The following IPCEF1 variants were observed in gnomAD, a reference collection of about 807,000 sequenced individuals.
IPCEF1 encodes the protein interactor protein for cytohesin exchange factors 1.
In IPCEF1, 31 loss-of-function variants were observed where a neutral mutation model predicts 50.9. The observed-to-expected ratio is 0.61, with a 90% CI of 0.46 to 0.82. IPCEF1 has a LOEUF of 0.82. IPCEF1 is among the 40% of genes least tolerant of loss of function. The pLI is 0.00. For missense variants in IPCEF1, 458 were observed against 514.0 expected, an observed-to-expected ratio of 0.89 and a Z score of 1.05; for synonymous variants, 181 against 192.0, an observed-to-expected ratio of 0.94 and a Z score of 0.47.
chr6:154,338,987 C>T (rs1276355365), intron 1 of IPCEF1, among the ~76,000 whole-genome samples: 1 of 152,114 alleles, frequency 6.6e-6, no homozygotes, highest in African/African-American at 2.4e-5. Flanking sequence ...AGCTGCCTCA[C>T]CCATTATCTT....
intron 1 of IPCEF1, among the ~76,000 whole-genome samples, chr6:154,295,865 A>G (rs1044713509): frequency 2.2e-3 from 197 of 88,502 alleles, no homozygotes; most frequent in African/African-American, 0.017. Context: ...ACATGTGCAC[A>G]CGCACACACA....
chr6:154,248,469 C>T (rs901846405), intron 3 of IPCEF1, among the ~76,000 whole-genome samples: 4 of 151,940 alleles, frequency 2.6e-5, no homozygotes, highest in Non-Finnish European at 2.9e-5. Flanking sequence ...GGGGAAAAAA[C>T]GTGTGAAAAT....
At chr6:154,318,199 G>A (rs1783275240) in intron 1 of IPCEF1, among the ~76,000 whole-genome samples, 1 of 152,092 alleles carries the variant, frequency 6.6e-6, no homozygotes, top group Non-Finnish European at 1.5e-5. Context: ...AGAGGGTGGG[G>A]GGATTGACCT....
intron 6 of IPCEF1, 41 bp from the exon 7 acceptor site, chr6:154,221,369 T>C (rs749025200): frequency 4.6e-6 from 7 of 1,518,472 alleles, no homozygotes; most frequent in South Asian, 2.3e-5. Context: ...AAATTAGTGT[T>C]TATAGTCAAC....
At chr6:154,281,190 A>C (rs1782201314) in intron 2 of IPCEF1, among the ~76,000 whole-genome samples, 1 of 133,158 alleles carries the variant, frequency 7.5e-6, no homozygotes, top group South Asian at 2.1e-4. Flanking sequence ...AATACAAAAA[A>C]AAAAAAAAAA....
At chr6:154,261,261 A>G (rs544637770) in intron 3 of IPCEF1, among the ~76,000 whole-genome samples, 11 of 152,042 alleles carry the variant, frequency 7.2e-5, no homozygotes, top group Admixed American at 2.0e-4. Context: ...TCCTGGCCTC[A>G]AGTGATCTTC....
rs928077202 is a variant in IPCEF1 at position 154,159,163 on chromosome 6, C to G, written c.*665G>C. The G allele has an allele frequency of 1.3e-5, 2 of 152,358 alleles. No individual in the cohort carries two copies. Among genetic ancestry groups the G allele is most frequent in the Non-Finnish European group, 2.9e-5 (2 of 68,094 alleles). 9.4% of individuals were successfully genotyped at this position (152,358 alleles called of 1,614,324 possible). ...TGTTGTAAGGAAAGGAAACATTAAT[C>G]AGATCCCCTAACCTGCATAAAGTGT... On this transcript the variant is annotated 3_prime_UTR_variant, in exon 12 of 12. Transcript: ENST00000367220.
In IPCEF1 at chr6:154,223,985, C is replaced by T. The variant is rs183568377; in HGVS notation, c.247-742G>A. On this transcript the variant is annotated intron_variant, in intron 5 of 11. Transcript: ENST00000367220. ...CATGTATAGGAAATATAATCACTGT[C>T]CCACCTCTCTAAGAATTTGTTAATC... 1.5e-3 allele frequency among the ~76,000 whole-genome samples: 232 copies of T among 152,292 alleles called. 1 individual carries two copies. Among genetic ancestry groups the T allele is most frequent in the South Asian group, 5.0e-3 (24 of 4,822 alleles).
At chr6:154,333,705 G>T (rs1783725813) in intron 1 of IPCEF1, among the ~76,000 whole-genome samples, 1 of 151,116 alleles carries the variant, frequency 6.6e-6, no homozygotes, top group Non-Finnish European at 1.5e-5. Flanking sequence ...TAGTGCGTTT[G>T]TGTATATATG....
At chr6:154,246,945 A>C in intron 4 of IPCEF1, 185 bp from the exon 5 acceptor site, 1 of 592,470 alleles carries the variant, frequency 1.7e-6, no homozygotes, top group Admixed American at 3.6e-5. Flanking sequence ...CAAAAAAAAA[A>C]AAAAAAAGCC....
intron 1 of IPCEF1, among the ~76,000 whole-genome samples, chr6:154,325,809 A>T (rs1783504433): frequency 6.6e-6 from 1 of 152,214 alleles, no homozygotes. Flanking sequence ...TCACTACTCT[A>T]GAAACACATT....
At chr6:154,193,455 A>C (rs565895731) in intron 10 of IPCEF1, among the ~76,000 whole-genome samples, 9 of 152,332 alleles carry the variant, frequency 5.9e-5, no homozygotes, top group African/African-American at 2.2e-4. Flanking sequence ...TGAAGAACTC[A>C]TTCATGTAAC....
At chr6:154,328,462 A>G (rs1783577286) in intron 1 of IPCEF1, among the ~76,000 whole-genome samples, 1 of 152,132 alleles carries the variant, frequency 6.6e-6, no homozygotes, top group Admixed American at 6.6e-5. Context: ...AATGGAGGCC[A>G]GGCATAGTGG....
chr6:154,249,760 C>T (rs1458546660), intron 3 of IPCEF1, among the ~76,000 whole-genome samples: 1 of 151,974 alleles, frequency 6.6e-6, no homozygotes, highest in African/African-American at 2.4e-5. Flanking sequence ...TCCGGCTCCA[C>T]CTTAGGGCTA....
At chr6:154,317,707 TG>T (rs1783259326) in intron 1 of IPCEF1, among the ~76,000 whole-genome samples, 1 of 151,788 alleles carries the variant, frequency 6.6e-6, no homozygotes, top group African/African-American at 2.4e-5. Context: ...CCCACTATAA[TG>T]GGAAAAGTCA....
intron 1 of IPCEF1, among the ~76,000 whole-genome samples, chr6:154,343,765 C>T (rs1783967535): frequency 1.3e-5 from 2 of 152,194 alleles, no homozygotes; most frequent in Non-Finnish European, 2.9e-5. Flanking sequence ...TTTAAAGCAG[C>T]TCCAGAAACG....
chr6:154,196,596 T>G (rs1365770563), intron 10 of IPCEF1, among the ~76,000 whole-genome samples: 1 of 152,224 alleles, frequency 6.6e-6, no homozygotes, highest in Non-Finnish European at 1.5e-5. Flanking sequence ...CTCCACATTG[T>G]CAGCAGGTAG....
In IPCEF1 at chr6:154,328,178, A is replaced by G. The variant is rs151169382; in HGVS notation, c.-62+28494T>C. Reference sequence around the variant, plus strand: ...AAACCACCATGGTACACATTTACCTATGTAACAAACCTGCACATCCTGTAC... The same window carrying G: ...AAACCACCATGGTACACATTTACCTGTGTAACAAACCTGCACATCCTGTAC... On this transcript the variant is annotated intron_variant, in intron 1 of 11. Coordinates refer to ENST00000367220, the MANE Select transcript of IPCEF1 (RefSeq NM_001130700.2). 5.8e-3 allele frequency among the ~76,000 whole-genome samples: 878 copies of G among 152,280 alleles called. 6 individuals carry two copies. The highest frequency in any genetic ancestry group is 9.5e-3 in the Non-Finnish European group (649 of 68,030).
intron 9 of IPCEF1, among the ~76,000 whole-genome samples, chr6:154,203,777 C>T (rs916813911): frequency 3.3e-5 from 5 of 152,154 alleles, no homozygotes; most frequent in African/African-American, 4.8e-5. Context: ...TCTTGTTTGA[C>T]ACATAATTGG....
Sources: allele counts gnomAD v4.1 joint callset (sites outside exome capture counted in the v4.1 genomes callset), GRCh38; gene constraint gnomAD v4.1.1; transcripts MANE v1.5; gene names NCBI Gene and HGNC (gene_info 2026-07-23, HGNC 2026-07-21).